The following STK3 variants were observed in gnomAD, a reference collection of about 807,000 sequenced individuals.
The protein encoded by STK3 is serine/threonine kinase 3, also known as serine/threonine-protein kinase 3.
In STK3, 41 loss-of-function variants were observed where a neutral mutation model predicts 58.0. The observed-to-expected ratio is 0.71, with a 90% CI of 0.55 to 0.92. The LOEUF is 0.92. STK3 is among the 40% of genes least tolerant of loss of function. The probability of loss-of-function intolerance (pLI) is 0.00; values close to 1 mark genes in which losing one functional copy is unlikely to be tolerated. For missense variants in STK3, 479 were observed against 602.7 expected (o/e 0.79, Z 2.15); for synonymous variants, 170 against 191.0 (o/e 0.89, Z 0.91).
intron 10 of STK3, among the ~76,000 whole-genome samples, chr8:98,504,507 T>G (rs925998645): frequency 2.6e-4 from 40 of 152,226 alleles, no homozygotes; most frequent in Non-Finnish European, 5.6e-4. Context: ...CAATTTGGCA[T>G]GTTTTTGCAG....
intron 4 of STK3, among the ~76,000 whole-genome samples, chr8:98,709,090 A>G (rs1277585255): frequency 6.6e-6 from 1 of 152,152 alleles, no homozygotes; most frequent in Non-Finnish European, 1.5e-5. Context: ...CCTATGTAAC[A>G]GAATCAACCA....
At chr8:98,660,719 T>C (rs1469957388) in intron 6 of STK3, among the ~76,000 whole-genome samples, 2 of 152,102 alleles carry the variant, frequency 1.3e-5, no homozygotes, top group Non-Finnish European at 2.9e-5. Context: ...ACTTTCTGCT[T>C]TGAAGCCCTT....
chr8:98,716,947 C>T (rs1827066518), intron 4 of STK3, among the ~76,000 whole-genome samples: 1 of 152,060 alleles, frequency 6.6e-6, no homozygotes, highest in African/African-American at 2.4e-5. Context: ...AGAAACAGTG[C>T]TGGCACAACT....
At chr8:98,743,109 T>C (rs1045136966) in intron 4 of STK3, among the ~76,000 whole-genome samples, 3 of 152,124 alleles carry the variant, frequency 2.0e-5, no homozygotes, top group African/African-American at 7.2e-5. Context: ...GAACATTCCA[T>C]GCTCATGGGT....
chr8:98,432,627 C>CAA, intron 3 of STK3: 1 of 167,178 alleles, frequency 6.0e-6, no homozygotes, highest in Admixed American at 6.5e-5. Context: ...CTAATTCTTG[C>CAA]CGCATTTCAA....
At chr8:98,585,235 C>T (rs1440619283) in intron 7 of STK3, among the ~76,000 whole-genome samples, 38 of 151,930 alleles carry the variant, frequency 2.5e-4, no homozygotes, top group South Asian at 6.2e-4. Context: ...TTAGGTCTAA[C>T]GTTTAAGTCT....
intron 1 of STK3, among the ~76,000 whole-genome samples, chr8:98,822,081 T>C (rs78853129): frequency 0.015 from 2,238 of 152,114 alleles, 22 homozygotes; most frequent in Non-Finnish European, 0.022. Flanking sequence ...CACACACATA[T>C]ATATGTAACA....
chr8:98,738,231 A>G (rs1320743850), intron 4 of STK3, among the ~76,000 whole-genome samples: 1 of 152,084 alleles, frequency 6.6e-6, no homozygotes, highest in Non-Finnish European at 1.5e-5. Context: ...TAATCTCAAC[A>G]CTTTAGATGA....
intron 3 of STK3, among the ~76,000 whole-genome samples, chr8:98,842,248 C>G (rs1836021446): frequency 6.6e-6 from 1 of 151,996 alleles, no homozygotes; most frequent in Non-Finnish European, 1.5e-5. Flanking sequence ...TTTAAAGTCT[C>G]AAAAGGACCT....
At chr8:98,760,488 T>A (rs947051213) in intron 3 of STK3, among the ~76,000 whole-genome samples, 15 of 152,128 alleles carry the variant, frequency 9.9e-5, no homozygotes, top group Non-Finnish European at 1.8e-4. Context: ...TTTGAAAATT[T>A]CACTGGGTGG....
chr8:98,919,048 G>C (rs1006375687), intron 1 of STK3, among the ~76,000 whole-genome samples: 2 of 152,034 alleles, frequency 1.3e-5, no homozygotes, highest in Non-Finnish European at 2.9e-5. Context: ...AAGAAGTAGA[G>C]AGTGTTCATA....
intron 1 of STK3, among the ~76,000 whole-genome samples, chr8:98,814,957 T>G (rs773674172): frequency 2.3e-4 from 35 of 152,244 alleles, no homozygotes; most frequent in Non-Finnish European, 4.3e-4. Context: ...CTGGGATTAG[T>G]GCATGAGCTA....
At chr8:98,857,470 T>A (rs891222932) in intron 3 of STK3, among the ~76,000 whole-genome samples, 1 of 151,394 alleles carries the variant, frequency 6.6e-6, no homozygotes, top group African/African-American at 2.5e-5. Context: ...ACCTGTCATG[T>A]CTTTCAAAGG....
At chr8:98,868,380 A>G (rs1341840628) in intron 3 of STK3, among the ~76,000 whole-genome samples, 1 of 152,168 alleles carries the variant, frequency 6.6e-6, no homozygotes, top group African/African-American at 2.4e-5. Flanking sequence ...TCCCCTGGAT[A>G]GCAACACTCA....
chr8:98,469,121 A>AACTTT (rs1193971100), intron 10 of STK3, among the ~76,000 whole-genome samples: 4 of 149,620 alleles, frequency 2.7e-5, no homozygotes, highest in Non-Finnish European at 6.0e-5. Flanking sequence ...AAAAAAAAAG[A>AACTTT]AAGAAAAGAA....
chr8:98,842,028 G>A (rs373995894), intron 3 of STK3, among the ~76,000 whole-genome samples: 43 of 151,988 alleles, frequency 2.8e-4, no homozygotes, highest in African/African-American at 9.4e-4. Flanking sequence ...GAAAAAGATA[G>A]CATTCACAAA....
chr8:98,472,715 ATC>A (rs1821016677), intron 10 of STK3, among the ~76,000 whole-genome samples: 2 of 152,172 alleles, frequency 1.3e-5, no homozygotes, highest in Admixed American at 1.3e-4. Context: ...AGGCTTTATC[ATC>A]TGTCACATAA....
chr8:98,354,312 C>T, the STK3 span, among the ~76,000 whole-genome samples: 1 of 152,194 alleles, frequency 6.6e-6, no homozygotes, highest in Non-Finnish European at 1.5e-5. Context: ...CTACCTTCCT[C>T]ATCCAAGGAC....
chr8:98,875,113 C>T lies in STK3; in HGVS notation c.110+8534G>A, dbSNP rs542389346. 3.7e-3 allele frequency: 563 copies of T among 152,266 alleles called. 2 individuals are homozygous for T. The highest frequency in any genetic ancestry group is 0.012 in the African/African-American group (495 of 41,558). 9.4% of individuals were successfully genotyped at this position (152,266 alleles called of 1,614,324 possible). On this transcript the variant is annotated intron_variant, in intron 3 of 12. Transcript: ENST00000523601. Reference sequence around the variant, plus strand: ...TAGTATCAATGGATAGGTCCCAGATCTTATTCTCTTGTCCAGATTTGAGGA... The same window carrying T: ...TAGTATCAATGGATAGGTCCCAGATTTTATTCTCTTGTCCAGATTTGAGGA...
Sources: allele counts gnomAD v4.1 joint callset (sites outside exome capture counted in the v4.1 genomes callset), GRCh38; gene constraint gnomAD v4.1.1; transcripts MANE v1.5; gene names NCBI Gene and HGNC (gene_info 2026-07-23, HGNC 2026-07-21).